NSFL1C: variants seen among roughly 807,000 people sequenced by gnomAD.
NSFL1C encodes the protein NSFL1 cofactor, also known as NSFL1 cofactor p47.
A neutral mutation model predicts 43.1 loss-of-function variants in NSFL1C; 14 were observed. That is an observed-to-expected ratio of 0.32 (90% CI 0.21 to 0.51). The LOEUF (loss-of-function observed/expected upper bound fraction) is 0.51, where lower values mean the gene tolerates loss of function less well. NSFL1C is among the 20% of genes least tolerant of loss of function. The pLI is 0.98. For missense variants in NSFL1C, 406 were observed against 472.5 expected, an observed-to-expected ratio of 0.86 and a Z score of 1.30; for synonymous variants, 171 against 183.5, an observed-to-expected ratio of 0.93 and a Z score of 0.55.
chr20:1,466,336 G>A (rs2090510354), intron 1 of NSFL1C, among the ~76,000 whole-genome samples: 1 of 152,234 alleles, frequency 6.6e-6, no homozygotes, highest in Non-Finnish European at 1.5e-5. Context: ...GAAATGAGCG[G>A]CCACCTAGTC....
In NSFL1C at chr20:1,453,261, C is replaced by A. The variant is rs1447652423; in HGVS notation, c.538-121G>T. The A allele has an allele frequency of 2.3e-5, 15 of 654,032 alleles. No homozygotes were observed. In the South Asian group the frequency reaches 2.5e-4, roughly 11 times the overall value. The allele number at this position is 654,032 out of a possible 1,614,324, so 40.5% of individuals were successfully genotyped here. On this transcript the variant is annotated intron_variant, in intron 5 of 8. Transcript: ENST00000216879. The stretch of plus-strand genomic sequence containing the variant: ...TACTATTAAAACACACATAGAGACA[C>A]ACATATATACATGTGTGCACAAGCA...
chr20:1,449,460 A>C (rs2090139599), intron 7 of NSFL1C, among the ~76,000 whole-genome samples: 1 of 152,212 alleles, frequency 6.6e-6, no homozygotes, highest in Non-Finnish European at 1.5e-5. Flanking sequence ...AGAGCACATC[A>C]TTCAAAGAAT....
At position 1,464,396 on chromosome 20, in the gene NSFL1C, C is replaced by T; in HGVS notation, c.136G>A (p.Gly46Arg). ...IALASFYEDG[G>R]DEDIVTISQA... The stretch of plus-strand genomic sequence containing the variant: ...GAAATGGTCACAATGTCTTCATCCC[C>T]TCCGTCCTCATAAAAGCTCGCTAGC... Residue 46 changes from glycine to arginine, a missense_variant, in exon 2 of 9, where the codon GGG becomes AGG. Around this residue, in one of 3 missense-constraint regions of NSFL1C, gnomAD observed 203 missense variants for 216.3 expected, o/e 0.94. Transcript: ENST00000216879. 2 of 1,614,260 alleles carry T rather than the reference C, an allele frequency of 1.2e-6. No individual in the cohort carries two copies. Among genetic ancestry groups the T allele is most frequent in the Non-Finnish European group, 1.7e-6 (2 of 1,180,044 alleles).
chr20:1,459,482 T>C (rs1438915626), intron 2 of NSFL1C, among the ~76,000 whole-genome samples: 1 of 152,202 alleles, frequency 6.6e-6, no homozygotes, highest in Non-Finnish European at 1.5e-5. Context: ...TAGTCTCAGG[T>C]AGTTTTTTAT....
At chr20:1,454,149 A>C (rs1267119513) in intron 5 of NSFL1C, 64 bp downstream of exon 5, 1 of 1,287,534 alleles carries the variant, frequency 7.8e-7, no homozygotes, top group Non-Finnish European at 1.1e-6. Context: ...TATGTAACCA[A>C]TCCCTTCAGA....
chr20:1,465,520 C>A (rs1220778225), intron 1 of NSFL1C, among the ~76,000 whole-genome samples: 1 of 152,216 alleles, frequency 6.6e-6, no homozygotes, highest in Admixed American at 6.5e-5. Flanking sequence ...AGCATAGGGG[C>A]TTCCCATTGT....
chr20:1,445,472 C>T (rs550779081), intron 8 of NSFL1C, among the ~76,000 whole-genome samples, 194 bp downstream of exon 8: 2 of 152,152 alleles, frequency 1.3e-5, no homozygotes, highest in Admixed American at 1.3e-4. Flanking sequence ...AGTCACTGGC[C>T]ACACTAATGG....
intron 7 of NSFL1C, among the ~76,000 whole-genome samples, chr20:1,447,763 T>C (rs76408530): frequency 0.37 from 56,277 of 151,658 alleles, 11,663 homozygotes; most frequent in African/African-American, 0.55. Context: ...TGATATCAGT[T>C]AAGGGGGTGG....
chr20:1,445,886 G>A, intron 7 of NSFL1C, 56 bp from the exon 8 acceptor site: 1 of 1,572,884 alleles, frequency 6.4e-7, no homozygotes, highest in Non-Finnish European at 8.7e-7. Flanking sequence ...CTAGCAAGAA[G>A]GGAATCCCTT....
At chr20:1,465,268 C>A (rs1418393734) in intron 1 of NSFL1C, among the ~76,000 whole-genome samples, 3 of 152,166 alleles carry the variant, frequency 2.0e-5, no homozygotes, top group Non-Finnish European at 2.9e-5. Context: ...ACCAACTTCA[C>A]AGGAGACAGT....
At chr20:1,444,277 C>T (rs1373617430) in intron 8 of NSFL1C, among the ~76,000 whole-genome samples, 1 of 152,218 alleles carries the variant, frequency 6.6e-6, no homozygotes, top group Non-Finnish European at 1.5e-5. Flanking sequence ...CTAATCACAA[C>T]TCAGGCCTCG....
At position 1,443,315 on chromosome 20, in the gene NSFL1C, C is replaced by A. The variant is rs1645410677; in HGVS notation, c.*434G>T. 1 of 157,234 alleles carries A rather than the reference C, an allele frequency of 6.4e-6. No homozygotes were observed. Among genetic ancestry groups the A allele is most frequent in the Non-Finnish European group, 1.4e-5 (1 of 71,080 alleles). 9.7% of individuals were successfully genotyped at this position (157,234 alleles called of 1,614,324 possible). A position where few individuals can be genotyped will look rare whatever the true frequency, so the allele number is the denominator to read the frequency against. Reference sequence around the variant, plus strand: ...CGAAGCCTCTTTCTACACATTTCCCCTCCTTCCTCCAGTCATCTGTGGGGC... The same window carrying A: ...CGAAGCCTCTTTCTACACATTTCCCATCCTTCCTCCAGTCATCTGTGGGGC... On this transcript the variant is annotated 3_prime_UTR_variant, in exon 9 of 9. Transcript: ENST00000216879.
intron 2 of NSFL1C, among the ~76,000 whole-genome samples, chr20:1,462,257 T>C (rs970695750): frequency 1.3e-5 from 2 of 152,250 alleles, no homozygotes; most frequent in African/African-American, 4.8e-5. Context: ...CCACACAGAA[T>C]TCCTCTGAGG....
chr20:1,453,725 T>A (rs1350036180), intron 5 of NSFL1C, among the ~76,000 whole-genome samples: 1 of 152,008 alleles, frequency 6.6e-6, no homozygotes, highest in Non-Finnish European at 1.5e-5. Context: ...TACAAGAAGA[T>A]GTTTGTGGTA....
intron 7 of NSFL1C, among the ~76,000 whole-genome samples, chr20:1,451,711 G>A (rs1213826942): frequency 6.6e-6 from 1 of 152,210 alleles, no homozygotes; most frequent in Admixed American, 6.5e-5. Context: ...GCCTACCTAT[G>A]GGCTGGCCAA....
Position 1,443,551 on chromosome 20 carries a change from T to C in NSFL1C, c.*198A>G, listed in dbSNP as rs779234356. 1.4e-5 allele frequency: 7 copies of C among 490,874 alleles called. No homozygotes were observed. Among genetic ancestry groups the C allele is most frequent in the South Asian group, 4.2e-5 (1 of 23,736 alleles). 30.4% of individuals were successfully genotyped at this position (490,874 alleles called of 1,614,324 possible). On this transcript the variant is annotated 3_prime_UTR_variant, in exon 9 of 9. Transcript: ENST00000216879. ...TTATTTTTTTTTTCATTAAAGTCCA[T>C]TGATCATCACAAAAACCCAGGAAAT... is the stretch of plus-strand genomic sequence containing the variant.
rs147775030 is a variant in NSFL1C, at chr20:1,445,726, T to C, written c.890A>G (p.Asn297Ser). 5 of 1,613,992 alleles carry C rather than the reference T, an allele frequency of 3.1e-6. No homozygotes were observed. The highest frequency in any genetic ancestry group is 2.2e-5 in the East Asian group (1 of 44,870). Residue 297 changes from asparagine to serine, a missense_variant, in exon 8 of 9, where the codon AAC becomes AGC. Coordinates refer to ENST00000216879, the MANE Select transcript of NSFL1C (RefSeq NM_016143.5). ...ILIDESEPTT[N>S]IQIRLADGGR... Reference sequence around the variant, plus strand: ...GCCGTCTGCAAGCCGAATTTGGATGTTTGTGGTAGGCTCTGATTCGTCGAT... The same window carrying C: ...GCCGTCTGCAAGCCGAATTTGGATGCTTGTGGTAGGCTCTGATTCGTCGAT...
intron 7 of NSFL1C, 67 bp downstream of exon 7, chr20:1,452,426 C>T (rs1005652665): frequency 6.3e-7 from 1 of 1,578,462 alleles, no homozygotes; most frequent in African/African-American, 1.4e-5. Flanking sequence ...GTGAGTGATA[C>T]ACAGGGTCTG....
chr20:1,464,842 G>A (rs577708756), intron 1 of NSFL1C, among the ~76,000 whole-genome samples: 23 of 152,186 alleles, frequency 1.5e-4, no homozygotes, highest in Admixed American at 4.6e-4. Context: ...AAGCACTGAG[G>A]ATTAAAAAAA....
Sources: allele counts gnomAD v4.1 joint callset (sites outside exome capture counted in the v4.1 genomes callset), GRCh38; gene constraint gnomAD v4.1.1; regional missense constraint gnomAD v4.1.1; transcripts MANE v1.5; gene names NCBI Gene and HGNC (gene_info 2026-07-23, HGNC 2026-07-21).